Variants in DSC3 observed in about 807,000 individuals in gnomAD.
The protein encoded by DSC3 is desmocollin-3.
In DSC3, 97 loss-of-function variants were observed where a neutral mutation model predicts 89.5. The ratio of observed to expected loss-of-function variants is 1.08; its 90% CI spans 0.92 to 1.28. The LOEUF is 1.28. Ranked by LOEUF, DSC3 falls within the 50% of genes most tolerant of loss-of-function variation. The pLI is 0.00. For synonymous variants in DSC3, 436 were observed against 384.1 expected, an observed-to-expected ratio of 1.14 and a Z score of -1.58; for missense variants, 1,199 against 1,085.3, an observed-to-expected ratio of 1.10 and a Z score of -1.47.
Position 31,008,349 on chromosome 18 carries a change from A to C in DSC3, c.1440T>G (p.Ile480Met), listed in dbSNP as rs753194207. The C allele has an allele frequency of 2.2e-5, 35 of 1,613,988 alleles. No individual in the cohort carries two copies. The African/African-American group carries it at 4.7e-4, about 22-fold the overall frequency. The change falls in exon 10 of 16, where the codon ATT (isoleucine) becomes ATG (methionine). Residue 480 changes from isoleucine to methionine, a missense_variant. Ile to Met is a conservative substitution (Grantham distance 10). Coordinates refer to ENST00000360428, the MANE Select transcript of DSC3 (RefSeq NM_001941.5). The stretch of plus-strand genomic sequence containing the variant: ...TTGACCCCACTGCTAAGTTTTCTTT[A>C]ATCCGCACATATTGGGCTGCAGGAG... ...ECTPAAQYVR[I>M]KENLAVGSKI...
intron 1 of DSC3, among the ~76,000 whole-genome samples, chr18:31,039,192 G>T (rs1986061005): frequency 1.3e-5 from 2 of 152,034 alleles, no homozygotes; most frequent in African/African-American, 4.8e-5. Context: ...GCATTTTATA[G>T]TACTAAGCAA....
chr18:31,002,426 T>A (rs34439327), intron 13 of DSC3, among the ~76,000 whole-genome samples: 4,633 of 152,118 alleles, frequency 0.03, 98 homozygotes, highest in Middle Eastern at 0.068. Flanking sequence ...TACAGCCGGG[T>A]GCAGTGGCTC....
chr18:30,994,466 AT>A, intron 15 of DSC3, 94 bp from the exon 16 acceptor site: 1 of 1,597,494 alleles, frequency 6.3e-7, no homozygotes, highest in Non-Finnish European at 8.5e-7. Flanking sequence ...TTTATGTTTA[AT>A]TTTTAACCAG....
chr18:31,022,201 A>C (rs1012778078), intron 7 of DSC3, 135 bp downstream of exon 7: 12 of 1,093,102 alleles, frequency 1.1e-5, no homozygotes, highest in Non-Finnish European at 9.1e-6. Flanking sequence ...AAACAGAAAA[A>C]ATTGTTAGGA....
At chr18:31,014,462 G>C (rs149414056) in intron 9 of DSC3, among the ~76,000 whole-genome samples, 10 of 152,056 alleles carry the variant, frequency 6.6e-5, no homozygotes, top group African/African-American at 2.4e-4. Flanking sequence ...CATGTTTTTT[G>C]TTTCTTTTGA....
chr18:30,994,875 T>C (rs1374830448), intron 15 of DSC3, among the ~76,000 whole-genome samples: 1 of 152,192 alleles, frequency 6.6e-6, no homozygotes, highest in Non-Finnish European at 1.5e-5. Flanking sequence ...ATAATACACT[T>C]ATTATGCCCA....
At chr18:31,022,062 A>G (rs761978382) in intron 7 of DSC3, among the ~76,000 whole-genome samples, 2 of 152,086 alleles carry the variant, frequency 1.3e-5, no homozygotes, top group Non-Finnish European at 2.9e-5. Context: ...ACTGGAACCA[A>G]CTAGCCACAC....
chr18:31,033,531 T>G (rs949444608), intron 1 of DSC3, among the ~76,000 whole-genome samples: 9 of 152,128 alleles, frequency 5.9e-5, no homozygotes, highest in Admixed American at 5.9e-4. Flanking sequence ...GTTGGGATAA[T>G]TTGATATCTT....
At chr18:31,034,244 C>T (rs1158122950) in intron 1 of DSC3, among the ~76,000 whole-genome samples, 1 of 151,940 alleles carries the variant, frequency 6.6e-6, no homozygotes, top group African/African-American at 2.4e-5. Context: ...TAGGTATTAT[C>T]CCAAAAAAAG....
chr18:31,042,390 C>T (rs1242532854), intron 1 of DSC3, among the ~76,000 whole-genome samples: 3 of 152,242 alleles, frequency 2.0e-5, no homozygotes, highest in Non-Finnish European at 4.4e-5. Context: ...AAACAAAAAG[C>T]TCAGTCCAGA....
intron 9 of DSC3, among the ~76,000 whole-genome samples, chr18:31,010,636 A>G (rs533328795): frequency 6.6e-6 from 1 of 152,340 alleles, no homozygotes; most frequent in South Asian, 2.1e-4. Context: ...ACTTAAAAAA[A>G]GTGCTTAAAA....
At position 31,007,255 on chromosome 18, in the gene DSC3, G is replaced by T. The variant is rs1205386646; in HGVS notation, c.1664-124C>A. On this transcript the variant is annotated intron_variant, in intron 11 of 15. Transcript: ENST00000360428. ...AAATAAACTGATTATTAAAGGAAAT[G>T]ATAAATAAATAAGAACATAGACAGA... The T allele has an allele frequency of 8.7e-6, 6 of 686,050 alleles. No homozygotes were observed. The Admixed American group carries it at 1.1e-4, about 12-fold the overall frequency. The allele number at this position is 686,050 out of a possible 1,614,324, so 42.5% of individuals were successfully genotyped here.
At chr18:31,040,002 A>G (rs1375855169) in intron 1 of DSC3, among the ~76,000 whole-genome samples, 1 of 152,188 alleles carries the variant, frequency 6.6e-6, no homozygotes, top group African/African-American at 2.4e-5. Context: ...AATGATGAAT[A>G]TATCAAATAT....
chr18:31,018,804 G>T lies in DSC3; in HGVS notation c.943-4C>A, dbSNP rs369845291. On this transcript the variant is annotated splice_region_variant and splice_polypyrimidine_tract_variant and intron_variant, in intron 7 of 15. Transcript: ENST00000360428. ...TCAATGAGTACTTGTCTACAACCTG[G>T]AAACAAAGCAAATATTTAACTAGTC... The T allele has an allele frequency of 2.3e-5, 37 of 1,613,154 alleles. No individual in the cohort carries two copies. The highest frequency in any genetic ancestry group is 3.0e-5 in the Non-Finnish European group (35 of 1,179,820).
chr18:31,033,088 A>G (rs1985854278), intron 1 of DSC3, among the ~76,000 whole-genome samples: 1 of 152,152 alleles, frequency 6.6e-6, no homozygotes, highest in Non-Finnish European at 1.5e-5. Context: ...AGAATAAAAT[A>G]CTTAGGAATA....
At chr18:31,020,124 G>A (rs2144712772) in intron 7 of DSC3, among the ~76,000 whole-genome samples, 1 of 152,272 alleles carries the variant, frequency 6.6e-6, no homozygotes, top group Admixed American at 6.5e-5. Context: ...AAGGAGTAAA[G>A]TCCAAAAGGC....
At chr18:31,022,305 G>A (rs758043752) in intron 7 of DSC3, 31 bp downstream of exon 7, 44 of 1,613,356 alleles carry the variant, frequency 2.7e-5, no homozygotes, top group South Asian at 4.4e-5. Flanking sequence ...AATCCTCAGC[G>A]AAATGAAATT....
chr18:31,012,103 T>C (rs1985090272), intron 9 of DSC3, among the ~76,000 whole-genome samples: 1 of 151,914 alleles, frequency 6.6e-6, no homozygotes, highest in Admixed American at 6.6e-5. Context: ...TAATTCAGCT[T>C]TTCTAAGGGT....
intron 9 of DSC3, among the ~76,000 whole-genome samples, chr18:31,016,699 G>A (rs1985248005): frequency 6.6e-6 from 1 of 152,128 alleles, no homozygotes; most frequent in Admixed American, 6.5e-5. Context: ...CCAGAAGTGT[G>A]GTGAATTTAA....
Sources: gnomAD v4.1 joint callset for allele counts (sites outside exome capture counted in the v4.1 genomes callset) on GRCh38, gnomAD v4.1.1 for gene constraint, MANE v1.5 for transcripts, NCBI Gene and HGNC (gene_info 2026-07-23, HGNC 2026-07-21) for gene names.